The following FMN2 variants were observed in gnomAD, a reference collection of about 807,000 sequenced individuals.
The protein encoded by FMN2 is formin-2.
In FMN2, 51 loss-of-function variants were observed where a neutral mutation model predicts 142.3. The observed-to-expected ratio is 0.36, with a 90% CI of 0.29 to 0.45. FMN2 has a LOEUF of 0.45. FMN2 is among the 20% of genes least tolerant of loss of function. The pLI, the probability that FMN2 is intolerant of heterozygous loss-of-function variation, is 1.00. For missense variants in FMN2, 1,936 were observed against 2,122.8 expected (o/e 0.91, Z 1.73); for synonymous variants, 882 against 869.8 (o/e 1.01, Z -0.25).
At chr1:240,403,032 T>C (rs1206989699) in intron 15 of FMN2, among the ~76,000 whole-genome samples, 1 of 152,248 alleles carries the variant, frequency 6.6e-6, no homozygotes, top group Non-Finnish European at 1.5e-5. Flanking sequence ...ACTAATTTAA[T>C]TCTGGCATCA....
At chr1:240,398,794 C>T (rs115772859) in intron 15 of FMN2, among the ~76,000 whole-genome samples, 44 of 152,226 alleles carry the variant, frequency 2.9e-4, no homozygotes, top group African/African-American at 8.7e-4. Context: ...ATAGTATCTA[C>T]TTTGTAGGTG....
chr1:240,199,004 C>T (rs145950018), intron 4 of FMN2, among the ~76,000 whole-genome samples: 2,465 of 152,148 alleles, frequency 0.016, 81 homozygotes, highest in African/African-American at 0.057. Context: ...ACTCGGGAGG[C>T]TGATGAGGGA....
At chr1:240,461,687 G>A (rs1676456505) in intron 16 of FMN2, among the ~76,000 whole-genome samples, 1 of 152,172 alleles carries the variant, frequency 6.6e-6, no homozygotes, top group African/African-American at 2.4e-5. Flanking sequence ...TTGTGATATG[G>A]AAAGAGTGCA....
intron 2 of FMN2, among the ~76,000 whole-genome samples, chr1:240,124,913 G>C (rs540491472): frequency 6.6e-6 from 1 of 152,024 alleles, no homozygotes; most frequent in Non-Finnish European, 1.5e-5. Flanking sequence ...TGATCCACCC[G>C]CCCCGGCCTC....
intron 7 of FMN2, among the ~76,000 whole-genome samples, chr1:240,279,748 A>G (rs1669335145): frequency 6.6e-6 from 1 of 151,322 alleles, no homozygotes; most frequent in African/African-American, 2.4e-5. Flanking sequence ...TCTTCTAGAC[A>G]AGGAAACATT....
rs1315829397 is a variant in FMN2 at position 240,208,578 on chromosome 1, A to G, written c.3766A>G (p.Thr1256Ala). 3.7e-6 allele frequency: 6 copies of G among 1,612,834 alleles called. No individual in the cohort carries two copies. Among genetic ancestry groups the G allele is most frequent in the East Asian group, 2.2e-5 (1 of 44,726 alleles). Reference sequence around the variant, plus strand: ...ACAAGTTGGGAGTAGCACTTTACCAACCCCACAGGTGTGTGGATTTCTTCC... The same window carrying G: ...ACAAGTTGGGAGTAGCACTTTACCAGCCCCACAGGTGTGTGGATTTCTTCC... ...LPQVGSSTLP[T>A]PQVCGFLPPP... The change falls in exon 5 of 18, where the codon ACC becomes GCC. Residue 1256 changes from threonine (T) to alanine (A), a missense_variant. Transcript: ENST00000319653.
At chr1:240,283,452 T>C (rs2102941849) in intron 7 of FMN2, among the ~76,000 whole-genome samples, 1 of 152,338 alleles carries the variant, frequency 6.6e-6, no homozygotes, top group African/African-American at 2.4e-5. Flanking sequence ...TGTGCATTTC[T>C]GGAGCCAATA....
At chr1:240,099,314 T>A (rs562105537) in intron 1 of FMN2, among the ~76,000 whole-genome samples, 1 of 152,176 alleles carries the variant, frequency 6.6e-6, no homozygotes, top group African/African-American at 2.4e-5. Flanking sequence ...TGTTTTGTTT[T>A]GTTTTTTTTT....
intron 14 of FMN2, among the ~76,000 whole-genome samples, chr1:240,382,216 C>T (rs1276234210): frequency 6.6e-6 from 1 of 152,142 alleles, no homozygotes; most frequent in East Asian, 1.9e-4. Flanking sequence ...AACTTAGTCC[C>T]ATTTACAATG....
At chr1:240,301,483 T>C (rs538366060) in intron 8 of FMN2, among the ~76,000 whole-genome samples, 1 of 152,090 alleles carries the variant, frequency 6.6e-6, no homozygotes, top group South Asian at 2.1e-4. Context: ...TTCCCTCCAG[T>C]ATCATTTTAT....
intron 14 of FMN2, among the ~76,000 whole-genome samples, chr1:240,361,280 C>T (rs12095342): frequency 0.55 from 82,060 of 149,350 alleles, 22,822 homozygotes; most frequent in African/African-American, 0.66. Context: ...GTGATGAGGC[C>T]GAACGTGTAT....
chr1:240,401,799 A>G (rs1443139288), intron 15 of FMN2, among the ~76,000 whole-genome samples: 5 of 152,240 alleles, frequency 3.3e-5, no homozygotes, highest in African/African-American at 1.2e-4. Flanking sequence ...ATCATGAAAG[A>G]AGGCAGGGCT....
Position 240,253,066 on chromosome 1 carries a change from C to T in FMN2, c.4066-4879C>T, listed in dbSNP as rs185294687. Among the ~76,000 whole-genome samples the T allele has an allele frequency of 3.3e-3, 499 of 149,416 alleles. 4 individuals are homozygous for T. The highest frequency in any genetic ancestry group is 0.011 in the African/African-American group (454 of 40,486). ...CTCCCTGGTTCAAGCGATTCTCCTG[C>T]GTCAGCCTCCTGAGTAGCTGGGATT... is the stretch of plus-strand genomic sequence containing the variant. On this transcript the variant is annotated intron_variant, in intron 6 of 17. Coordinates refer to ENST00000319653, the MANE Select transcript of FMN2 (RefSeq NM_020066.5).
At chr1:240,307,463 G>A (rs1425558995) in intron 8 of FMN2, among the ~76,000 whole-genome samples, 1 of 152,152 alleles carries the variant, frequency 6.6e-6, no homozygotes, top group African/African-American at 2.4e-5. Flanking sequence ...TTCTGCATAT[G>A]GTTAGCCAGT....
intron 15 of FMN2, among the ~76,000 whole-genome samples, chr1:240,407,326 A>G (rs1674244443): frequency 6.6e-6 from 1 of 151,986 alleles, no homozygotes; most frequent in Non-Finnish European, 1.5e-5. Context: ...TTTAGTAGAG[A>G]CAGGGTTTCA....
intron 7 of FMN2, among the ~76,000 whole-genome samples, chr1:240,271,102 T>TTTTTTTTTTTTTTTTTTTG (rs1572139605): frequency 7.0e-6 from 1 of 142,150 alleles, no homozygotes; most frequent in East Asian, 2.1e-4. Context: ...ACGATGGTTT[T>TTTTTTTTTTTTTTTTTTTG]TTTTTTTTTT....
rs564120691 is a variant in FMN2 at position 240,220,189 on chromosome 1, G to A, written c.4065+8954G>A. On this transcript the variant is annotated intron_variant, in intron 6 of 17. Transcript: ENST00000319653. ...GTAAAATCTCTGAAAATTGTCCTAA[G>A]GGCACACAGGAAACGGAGAAACAGT... 4.6e-5 allele frequency among the ~76,000 whole-genome samples: 7 copies of A among 152,100 alleles called. No individual in the cohort carries two copies. In the East Asian group the frequency reaches 5.8e-4, roughly 13 times the overall value.
At chr1:240,428,102 G>A (rs1338347076) in intron 15 of FMN2, among the ~76,000 whole-genome samples, 1 of 152,134 alleles carries the variant, frequency 6.6e-6, no homozygotes, top group Admixed American at 6.5e-5. Flanking sequence ...GGTGTCGCTA[G>A]CACCTTCCAC....
chr1:240,305,124 G>A (rs112634362), intron 8 of FMN2, among the ~76,000 whole-genome samples: 1 of 151,780 alleles, frequency 6.6e-6, no homozygotes, highest in East Asian at 1.9e-4. Flanking sequence ...TTCTAAAGAC[G>A]TTGTCTGATA....
Sources: gnomAD v4.1 joint callset for allele counts (sites outside exome capture counted in the v4.1 genomes callset) on GRCh38, gnomAD v4.1.1 for gene constraint, MANE v1.5 for transcripts, NCBI Gene and HGNC (gene_info 2026-07-23, HGNC 2026-07-21) for gene names.